Variants in SLC38A4 observed in about 807,000 individuals in gnomAD.
SLC38A4 encodes the protein solute carrier family 38 member 4.
In SLC38A4, 20 loss-of-function variants were observed where a neutral mutation model predicts 63.1. The observed-to-expected ratio is 0.32, with a 90% CI of 0.22 to 0.46. SLC38A4 has a LOEUF of 0.46. Among genes scored for constraint, SLC38A4 ranks in the 20% least tolerant of loss-of-function variants. The pLI, the probability that SLC38A4 is intolerant of heterozygous loss-of-function variation, is 1.00. For missense variants in SLC38A4, 526 were observed against 663.6 expected (o/e 0.79, Z 2.28); for synonymous variants, 230 against 225.5 (o/e 1.02, Z -0.18).
Position 46,785,311 on chromosome 12 carries a change from G to A in SLC38A4, c.327-134C>T. 4.4e-6 allele frequency: 3 copies of A among 689,504 alleles called. No homozygotes were observed. In the South Asian group the frequency reaches 5.9e-5, roughly 13 times the overall value. The allele number at this position is 689,504 out of a possible 1,614,324, so 42.7% of individuals were successfully genotyped here. A position where few individuals can be genotyped will look rare whatever the true frequency, so the allele number is the denominator to read the frequency against. On this transcript the variant is annotated intron_variant, in intron 5 of 16. Coordinates refer to ENST00000266579, the MANE Select transcript of SLC38A4 (RefSeq NM_018018.5). The stretch of plus-strand genomic sequence containing the variant: ...CCAAAAGTATGTGGATTTGGGGGAG[G>A]CTGAGAAATTCTTTTCAGAACTCTA...
intron 1 of SLC38A4, among the ~76,000 whole-genome samples, chr12:46,820,733 C>A (rs7974393): frequency 0.74 from 113,098 of 151,908 alleles, 42,332 homozygotes; most frequent in African/African-American, 0.81. Context: ...TTCTATTTTT[C>A]ATTTTTTAGG....
At chr12:46,806,777 T>C (rs1293678354) in intron 1 of SLC38A4, among the ~76,000 whole-genome samples, 2 of 151,996 alleles carry the variant, frequency 1.3e-5, no homozygotes, top group African/African-American at 4.8e-5. Flanking sequence ...TCAAATAGTG[T>C]AGAGAAGGTC....
chr12:46,770,286 CATTTTAAAATAAAATTTTAAAATGGT>C (rs528234737), intron 14 of SLC38A4, among the ~76,000 whole-genome samples: 4,297 of 151,982 alleles, frequency 0.028, 85 homozygotes, highest in Non-Finnish European at 0.042. Context: ...TGGTATTTAA[CATTTTAAAATAAAATTTTAAAATGGT>C]ATTTTAAAAT....
chr12:46,828,270 A>T (rs1311773495), upstream of SLC38A4, among the ~76,000 whole-genome samples: 1 of 152,068 alleles, frequency 6.6e-6, no homozygotes, highest in Non-Finnish European at 1.5e-5. Context: ...TCTCTGGTAG[A>T]GTATTCAAAT....
intron 14 of SLC38A4, among the ~76,000 whole-genome samples, chr12:46,772,551 C>T (rs948695283): frequency 6.6e-6 from 1 of 152,006 alleles, no homozygotes; most frequent in African/African-American, 2.4e-5. Context: ...ACTGATACCC[C>T]ACCCACTACT....
intron 2 of SLC38A4, among the ~76,000 whole-genome samples, chr12:46,803,303 A>G (rs1415822212): frequency 6.6e-6 from 1 of 152,092 alleles, no homozygotes; most frequent in African/African-American, 2.4e-5. Context: ...CTGGAGATAT[A>G]AATAACTAAA....
intron 6 of SLC38A4, 69 bp from the exon 7 acceptor site, chr12:46,784,703 A>G (rs1007016454): frequency 8.0e-7 from 1 of 1,252,604 alleles, no homozygotes; most frequent in African/African-American, 1.5e-5. Flanking sequence ...TTGTCATATA[A>G]TTCCATGCTG....
intron 1 of SLC38A4, among the ~76,000 whole-genome samples, chr12:46,825,330 T>TA (rs71070321): frequency 2.0e-5 from 3 of 150,998 alleles, no homozygotes; most frequent in Non-Finnish European, 3.0e-5. Context: ...TATATATATA[T>TA]TCCTTACAGA....
Position 46,788,711 on chromosome 12 carries a change from C to G in SLC38A4, c.120-93G>C, listed in dbSNP as rs1360517960. ...TTTCAGGTGATCTAAGTAACTGAAT[C>G]AGAGGAGGGGAAATAAGACACCCCA... On this transcript the variant is annotated intron_variant, in intron 3 of 16. Coordinates refer to ENST00000266579, the MANE Select transcript of SLC38A4 (RefSeq NM_018018.5). The G allele has an allele frequency of 7.7e-6, 9 of 1,162,620 alleles. 1 individual carries two copies. Among genetic ancestry groups the G allele is most frequent in the Non-Finnish European group, 1.0e-5 (8 of 800,422 alleles). 72.0% of individuals were successfully genotyped at this position (1,162,620 alleles called of 1,614,324 possible).
chr12:46,795,185 T>C (rs1332905436), intron 2 of SLC38A4, among the ~76,000 whole-genome samples: 1 of 151,990 alleles, frequency 6.6e-6, no homozygotes, highest in African/African-American at 2.4e-5. Context: ...TGGTTACCCA[T>C]AAAAAATAAG....
chr12:46,791,764 A>T (rs1203575629), intron 3 of SLC38A4, among the ~76,000 whole-genome samples: 1 of 152,162 alleles, frequency 6.6e-6, no homozygotes, highest in African/African-American at 2.4e-5. Context: ...GGGAGAGGGT[A>T]CATGAAGGAG....
At chr12:46,770,235 GA>G (rs1441630126) in intron 14 of SLC38A4, among the ~76,000 whole-genome samples, 1 of 151,852 alleles carries the variant, frequency 6.6e-6, no homozygotes, top group East Asian at 1.9e-4. Flanking sequence ...ACAAGATTGT[GA>G]AAGGAATTTT....
chr12:46,800,875 T>A (rs1046379989), intron 2 of SLC38A4, among the ~76,000 whole-genome samples: 3 of 152,172 alleles, frequency 2.0e-5, no homozygotes, highest in African/African-American at 7.2e-5. Flanking sequence ...TTTTATAGGA[T>A]AATGCTTCAA....
At chr12:46,808,283 T>G (rs1047950990) in intron 1 of SLC38A4, among the ~76,000 whole-genome samples, 1 of 151,912 alleles carries the variant, frequency 6.6e-6, no homozygotes, top group African/African-American at 2.4e-5. Flanking sequence ...CCAAGTGAAA[T>G]GCAATGACCC....
At chr12:46,817,517 G>A (rs1032389761) in intron 1 of SLC38A4, among the ~76,000 whole-genome samples, 13 of 151,718 alleles carry the variant, frequency 8.6e-5, no homozygotes, top group East Asian at 1.9e-4. Context: ...CCTGGTGCAC[G>A]AAAACGATAT....
chr12:46,792,900 G>T, intron 3 of SLC38A4, 53 bp downstream of exon 3: 1 of 1,329,698 alleles, frequency 7.5e-7, no homozygotes, highest in Non-Finnish European at 1.1e-6. Flanking sequence ...TGTTTTCCAT[G>T]TCCACATCCT....
intron 2 of SLC38A4, among the ~76,000 whole-genome samples, chr12:46,801,949 C>G (rs1455240897): frequency 6.6e-6 from 1 of 152,036 alleles, no homozygotes; most frequent in East Asian, 1.9e-4. Context: ...AATATTTTGG[C>G]ATTTCCTTTT....
rs11183614 is a variant in SLC38A4, at chr12:46,789,751, A to C, written c.120-1133T>G. On this transcript the variant is annotated intron_variant, in intron 3 of 16. Coordinates refer to ENST00000266579, the MANE Select transcript of SLC38A4 (RefSeq NM_018018.5). ...TTCCTACATGAAAAGAAAGATAAAG[A>C]AAGATAAAATAATTGAAGATTGTTC... Among the ~76,000 whole-genome samples the C allele has an allele frequency of 5.4e-3, 821 of 152,332 alleles. 3 individuals are homozygous for C. Among genetic ancestry groups the C allele is most frequent in the Non-Finnish European group, 9.6e-3 (653 of 68,026 alleles).
intron 14 of SLC38A4, among the ~76,000 whole-genome samples, chr12:46,772,375 T>C (rs1460910956): frequency 6.6e-6 from 1 of 152,110 alleles, no homozygotes; most frequent in Non-Finnish European, 1.5e-5. Context: ...AGGGATCTTT[T>C]TTCAAAGGCA....
Sources: gnomAD v4.1 joint callset for allele counts (sites outside exome capture counted in the v4.1 genomes callset) on GRCh38, gnomAD v4.1.1 for gene constraint, MANE v1.5 for transcripts, NCBI Gene and HGNC (gene_info 2026-07-23, HGNC 2026-07-21) for gene names.